DSC2: variants seen among roughly 807,000 people sequenced by gnomAD.
DSC2 encodes desmocollin 2.
A neutral mutation model predicts 87.6 loss-of-function variants in DSC2; 51 were observed. The ratio of observed to expected loss-of-function variants is 0.58; its 90% CI spans 0.46 to 0.74. The LOEUF is 0.74. Among genes scored for constraint, DSC2 ranks in the 30% least tolerant of loss-of-function variants. DSC2 has a pLI of 0.00. For synonymous variants in DSC2, 383 were observed against 393.2 expected (o/e 0.97, Z 0.31); for missense variants, 1,066 against 1,089.5 (o/e 0.98, Z 0.30).
chr18:31,078,042 T>C (rs2144808138), intron 11 of DSC2, among the ~76,000 whole-genome samples: 1 of 152,052 alleles, frequency 6.6e-6, no homozygotes, highest in Middle Eastern at 3.4e-3. Flanking sequence ...ATAGAAGCCT[T>C]GAGAGAGAGT....
Position 31,062,438 on chromosome 18 carries a change from A to G in DSC2, c.*5577T>C, listed in dbSNP as rs1177124789. ...ATTCACTGCAGTGTTTGAACCTGGC[A>G]ATGATGAAGTGACAGTCGCAAACAT... On this transcript the variant is annotated 3_prime_UTR_variant, in exon 16 of 16. Transcript: ENST00000280904. The G allele has an allele frequency of 6.6e-6, 1 of 152,088 alleles. No homozygotes were observed. Among genetic ancestry groups the G allele is most frequent in the African/African-American group, 2.4e-5 (1 of 41,410 alleles). 9.4% of individuals were successfully genotyped at this position (152,088 alleles called of 1,614,324 possible). A position where few individuals can be genotyped will look rare whatever the true frequency, so the allele number is the denominator to read the frequency against.
At chr18:31,096,240 G>T (rs964823672) in intron 1 of DSC2, among the ~76,000 whole-genome samples, 2 of 152,060 alleles carry the variant, frequency 1.3e-5, no homozygotes, top group Admixed American at 1.3e-4. Context: ...TAAAAATCAG[G>T]GATAACATTT....
At chr18:31,091,989 T>C in intron 3 of DSC2, 112 bp downstream of exon 3, 1 of 1,136,806 alleles carries the variant, frequency 8.8e-7, no homozygotes, top group Non-Finnish European at 1.2e-6. Context: ...TGGTTTTCAT[T>C]CGTCTTTAAG....
In DSC2 at chr18:31,101,909, G is replaced by A. The variant is rs1463773872; in HGVS notation, c.63C>T (p.Thr21=). ...TGGCCGCGGCTACACTCACCGCGAG[G>A]GTCAGCAGGAGCAGCCGGCAGAGGG... ...NGALCRLLLL[T]LAILIFASDA... Residue 21 remains threonine, a synonymous_variant, in exon 1 of 16, where the codon ACC becomes ACT. Transcript: ENST00000280904. 6.5e-7 allele frequency: 1 copy of A among 1,531,602 alleles called. No homozygotes were observed. Among genetic ancestry groups the A allele is most frequent in the African/African-American group, 1.4e-5 (1 of 72,000 alleles). The allele number at this position is 1,531,602 out of a possible 1,614,324, so 94.9% of individuals were successfully genotyped here.
intron 1 of DSC2, among the ~76,000 whole-genome samples, chr18:31,100,386 T>C (rs1414334715): frequency 6.6e-6 from 1 of 152,236 alleles, no homozygotes; most frequent in Admixed American, 6.5e-5. Flanking sequence ...CCTTTTCCTT[T>C]AAAGAATGGC....
At position 31,086,741 on chromosome 18, in the gene DSC2, G is replaced by A. The variant is rs565694087; in HGVS notation, c.777C>T (p.Gly259=). The stretch of plus-strand genomic sequence containing the variant: ...TAGCACACACTTGTCCCACAGTAGT[G>A]CCTAGAGAAGAAAAGTCCTTTTTAA... ...TFTIFENCRV[G]TTVGQVCATD... The change falls in exon 7 of 16, where the codon GGC becomes GGT. Residue 259 remains glycine, a splice_region_variant and synonymous_variant. Coordinates refer to ENST00000280904, the MANE Select transcript of DSC2 (RefSeq NM_024422.6). The A allele has an allele frequency of 1.4e-5, 22 of 1,613,812 alleles. No individual in the cohort carries two copies. In the East Asian group the frequency reaches 2.9e-4, roughly 21 times the overall value.
rs2144821231 is a variant in DSC2 at position 31,082,963 on chromosome 18, T to C, written c.1040A>G (p.Asp347Gly). 3 of 1,613,612 alleles carry C rather than the reference T, an allele frequency of 1.9e-6. No homozygotes were observed. The South Asian group carries it at 3.3e-5, about 18-fold the overall frequency. The stretch of plus-strand genomic sequence containing the variant: ...AAATGTTGGCAAGTGGTCATTTACA[T>C]CATCAATGTTAATGATACAAGTTGA... ...TTSTCIINID[D>G]VNDHLPTFTR... The change falls in exon 8 of 16, where the codon GAT (aspartate) becomes GGT (glycine). Residue 347 changes from aspartate (D) to glycine (G), a missense_variant. Coordinates refer to ENST00000280904, the MANE Select transcript of DSC2 (RefSeq NM_024422.6).
Position 31,067,911 on chromosome 18 carries a change from A to G in DSC2, c.*104T>C. On this transcript the variant is annotated 3_prime_UTR_variant, in exon 16 of 16. Transcript: ENST00000280904. ...AGAGATTCCATCCAAATAATGAGAG[A>G]AAAACCCCCACAAATAGCATCTTCT... 3 of 1,056,276 alleles carry G rather than the reference A, an allele frequency of 2.8e-6. No individual in the cohort carries two copies. Among genetic ancestry groups the G allele is most frequent in the Non-Finnish European group, 4.2e-6 (3 of 708,584 alleles). 65.4% of individuals were successfully genotyped at this position (1,056,276 alleles called of 1,614,324 possible).
intron 1 of DSC2, 174 bp downstream of exon 1, chr18:31,101,729 G>T: frequency 1.5e-6 from 1 of 655,530 alleles, no homozygotes; most frequent in Non-Finnish European, 2.6e-6. Flanking sequence ...CTCAGGTCGC[G>T]ATCCTCTTCC....
At position 31,102,010 on chromosome 18, in the gene DSC2, C is replaced by A; in HGVS notation, c.-39G>T. ...GGCAGGTCGCGGGCCGAGCGTCGGG[C>A]CGGGGTAGGAGGGCTCCGCGGGGCG... On this transcript the variant is annotated 5_prime_UTR_variant, in exon 1 of 16. Coordinates refer to ENST00000280904, the MANE Select transcript of DSC2 (RefSeq NM_024422.6). The A allele has an allele frequency of 6.8e-7, 1 of 1,467,970 alleles. No individual in the cohort carries two copies. The highest frequency in any genetic ancestry group is 9.0e-7 in the Non-Finnish European group (1 of 1,112,412). 90.9% of individuals were successfully genotyped at this position (1,467,970 alleles called of 1,614,324 possible).
At chr18:31,087,909 G>C in intron 5 of DSC2, 96 bp from the exon 6 acceptor site, 1 of 1,245,700 alleles carries the variant, frequency 8.0e-7, no homozygotes, top group Non-Finnish European at 1.2e-6. Context: ...AGACTGTTCA[G>C]AACTACAGTA....
chr18:31,086,506 A>ATCTACAG, intron 7 of DSC2, 70 bp downstream of exon 7: 1 of 1,565,252 alleles, frequency 6.4e-7, no homozygotes, highest in Non-Finnish European at 8.8e-7. Context: ...TCAAAAACAC[A>ATCTACAG]TCTACAGGAG....
chr18:31,099,611 G>C (rs550828500), intron 1 of DSC2, among the ~76,000 whole-genome samples: 2 of 152,038 alleles, frequency 1.3e-5, no homozygotes, highest in Non-Finnish European at 2.9e-5. Context: ...AGGCGGGGGG[G>C]AGTGAATGTC....
chr18:31,064,684 T>G lies in DSC2; in HGVS notation c.*3331A>C, dbSNP rs1182844525. Reference sequence around the variant, plus strand: ...GGGGAGCTGATATAAGAGCTGTAGGTTTATACGGATATCAGGTAACTTCTT... The same window carrying G: ...GGGGAGCTGATATAAGAGCTGTAGGGTTATACGGATATCAGGTAACTTCTT... On this transcript the variant is annotated 3_prime_UTR_variant, in exon 16 of 16. Transcript: ENST00000280904. The G allele has an allele frequency of 1.3e-5, 2 of 152,102 alleles. No individual in the cohort carries two copies. The highest frequency in any genetic ancestry group is 2.9e-5 in the Non-Finnish European group (2 of 68,028). The allele number at this position is 152,102 out of a possible 1,614,324, so 9.4% of individuals were successfully genotyped here.
intron 4 of DSC2, among the ~76,000 whole-genome samples, chr18:31,090,052 C>T (rs890210568): frequency 6.6e-6 from 1 of 151,758 alleles, no homozygotes; most frequent in Non-Finnish European, 1.5e-5. Flanking sequence ...TTGTTCTTTG[C>T]CAACATCTTC....
At chr18:31,087,550 C>T (rs951848993) in intron 6 of DSC2, 119 bp downstream of exon 6, 82 of 1,215,568 alleles carry the variant, frequency 6.7e-5, no homozygotes, top group Non-Finnish European at 9.1e-5. Context: ...AGTAAAATTC[C>T]ACCCAGAGTC....
chr18:31,076,933 A>G (rs1987036554), intron 11 of DSC2, among the ~76,000 whole-genome samples: 1 of 152,352 alleles, frequency 6.6e-6, no homozygotes, highest in East Asian at 1.9e-4. Context: ...TAATAGCTGC[A>G]CAGTGCCATG....
At chr18:31,068,408 A>T in intron 15 of DSC2, 196 bp from the exon 16 acceptor site, 2 of 1,532,706 alleles carry the variant, frequency 1.3e-6, no homozygotes, top group Non-Finnish European at 1.8e-6. Context: ...TCAGTATAGC[A>T]TGTTTCTAAA....
At chr18:31,099,217 T>C (rs1987855994) in intron 1 of DSC2, among the ~76,000 whole-genome samples, 2 of 152,144 alleles carry the variant, frequency 1.3e-5, no homozygotes, top group Admixed American at 1.3e-4. Flanking sequence ...TAAAATGCCC[T>C]AGGGAAAGAG....
Sources: gnomAD v4.1 joint callset for allele counts (sites outside exome capture counted in the v4.1 genomes callset) on GRCh38, gnomAD v4.1.1 for gene constraint, MANE v1.5 for transcripts, NCBI Gene and HGNC (gene_info 2026-07-23, HGNC 2026-07-21) for gene names.